The following STX7 variants were observed in gnomAD, a reference collection of about 807,000 sequenced individuals.
STX7 encodes the protein syntaxin 7.
In STX7, 34 loss-of-function variants were observed where a neutral mutation model predicts 39.6. The ratio of observed to expected loss-of-function variants is 0.86; its 90% CI spans 0.65 to 1.14. The LOEUF (loss-of-function observed/expected upper bound fraction) is 1.14, where lower values mean the gene tolerates loss of function less well. STX7 is among the 50% of genes most tolerant of loss of function. The pLI is 0.00. For missense variants in STX7, 284 were observed against 310.4 expected, an observed-to-expected ratio of 0.92 and a Z score of 0.64; for synonymous variants, 119 against 99.1, an observed-to-expected ratio of 1.20 and a Z score of -1.19.
chr6:132,494,989 C>T (rs1041854291), intron 2 of STX7, among the ~76,000 whole-genome samples: 42 of 151,920 alleles, frequency 2.8e-4, no homozygotes, highest in African/African-American at 8.0e-4. Flanking sequence ...CAGATCTGAC[C>T]GGTAGAACCA....
At chr6:132,471,741 T>C in intron 4 of STX7, 141 bp from the exon 5 acceptor site, 1 of 933,800 alleles carries the variant, frequency 1.1e-6, no homozygotes, top group Non-Finnish European at 1.6e-6. Context: ...CTCAGTAACA[T>C]TCTGATAGTA....
chr6:132,511,415 A>G (rs1258401328), intron 1 of STX7, among the ~76,000 whole-genome samples: 3 of 152,206 alleles, frequency 2.0e-5, no homozygotes, highest in African/African-American at 7.2e-5. Flanking sequence ...TATGAAAGTG[A>G]GAACTCACCA....
At chr6:132,491,422 T>C (rs964821907) in intron 2 of STX7, among the ~76,000 whole-genome samples, 2 of 152,054 alleles carry the variant, frequency 1.3e-5, no homozygotes, top group Admixed American at 1.3e-4. Flanking sequence ...AAAGACCCCA[T>C]GACAAGAAGC....
rs920885528 is a variant in STX7 at position 132,447,387 on chromosome 6, A to G, written c.*13371T>C. On this transcript the variant is annotated 3_prime_UTR_variant, in exon 10 of 10. Transcript: ENST00000367941. ...GAGGTCCCCAAAACATTCCTTTATC[A>G]TTTTCCTTCTAAATCTTTTATACAT... 17 of 152,210 alleles carry G rather than the reference A, an allele frequency of 1.1e-4. No homozygotes were observed. Among genetic ancestry groups the G allele is most frequent in the African/African-American group, 4.1e-4 (17 of 41,530 alleles). The allele number at this position is 152,210 out of a possible 1,614,324, so 9.4% of individuals were successfully genotyped here. A position where few individuals can be genotyped will look rare whatever the true frequency, so the allele number is the denominator to read the frequency against.
chr6:132,513,425 G>A (rs1188524696), upstream of STX7, among the ~76,000 whole-genome samples: 1 of 152,202 alleles, frequency 6.6e-6, no homozygotes, highest in East Asian at 1.9e-4. Flanking sequence ...ACCTTTAACT[G>A]CAGTAGATCG....
rs571360949 is a variant in STX7, at chr6:132,455,859, C to A, written c.*4899G>T. The A allele has an allele frequency of 6.6e-6, 1 of 152,236 alleles. No homozygotes were observed. The highest frequency in any genetic ancestry group is 6.5e-5 in the Admixed American group (1 of 15,300). The allele number at this position is 152,236 out of a possible 1,614,324, so 9.4% of individuals were successfully genotyped here. A position where few individuals can be genotyped will look rare whatever the true frequency, so the allele number is the denominator to read the frequency against. On this transcript the variant is annotated 3_prime_UTR_variant, in exon 10 of 10. Coordinates refer to ENST00000367941, the MANE Select transcript of STX7 (RefSeq NM_003569.3). ...AATGGGCCAATAGGAAGATTTTCTT[C>A]TTTATTCCTATTTGATTTAAAAGAA... is the stretch of plus-strand genomic sequence containing the variant.
chr6:132,499,650 T>A (rs867639321), intron 2 of STX7, among the ~76,000 whole-genome samples: 2 of 152,300 alleles, frequency 1.3e-5, no homozygotes, highest in Admixed American at 1.3e-4. Context: ...ACCTCACAGG[T>A]CACTCCTTAG....
intron 1 of STX7, among the ~76,000 whole-genome samples, chr6:132,509,658 TA>T (rs1337541461): frequency 1.3e-5 from 2 of 152,156 alleles, no homozygotes; most frequent in African/African-American, 2.4e-5. Flanking sequence ...AGGAATAGCT[TA>T]CTCCTTTTCT....
intron 9 of STX7, among the ~76,000 whole-genome samples, chr6:132,463,130 G>A (rs1001492114): frequency 6.6e-6 from 1 of 151,994 alleles, no homozygotes; most frequent in Admixed American, 6.6e-5. Context: ...AATGTCTTCA[G>A]CCAGGAGGCA....
chr6:132,500,792 TTAA>T (rs1775538309), intron 2 of STX7, among the ~76,000 whole-genome samples: 1 of 152,204 alleles, frequency 6.6e-6, no homozygotes, highest in Admixed American at 6.5e-5. Flanking sequence ...AAAATTCTTA[TTAA>T]TAAGTCTGAG....
rs1443896478 is a variant in STX7, at chr6:132,453,853, C to T, written c.*6905G>A. On this transcript the variant is annotated 3_prime_UTR_variant, in exon 10 of 10. Transcript: ENST00000367941. ...GTGGGTATATAAAATAGTACAGCTA[C>T]TTGGTATAAGTTTGGCAATTTCTTA... 1.3e-5 allele frequency: 2 copies of T among 151,990 alleles called. No individual in the cohort carries two copies. The highest frequency in any genetic ancestry group is 2.9e-5 in the Non-Finnish European group (2 of 67,974). 9.4% of individuals were successfully genotyped at this position (151,990 alleles called of 1,614,324 possible). A position where few individuals can be genotyped will look rare whatever the true frequency, so the allele number is the denominator to read the frequency against.
chr6:132,471,220 G>A (rs538656605), intron 5 of STX7, among the ~76,000 whole-genome samples: 4 of 152,244 alleles, frequency 2.6e-5, no homozygotes, highest in Non-Finnish European at 4.4e-5. Context: ...GACAAAATAT[G>A]TCTCTATATT....
intron 7 of STX7, among the ~76,000 whole-genome samples, chr6:132,469,394 T>C (rs1774650973): frequency 6.6e-6 from 1 of 152,134 alleles, no homozygotes; most frequent in African/African-American, 2.4e-5. Context: ...CATAGATGGC[T>C]TGATATAACA....
intron 8 of STX7, 121 bp from the exon 9 acceptor site, chr6:132,464,196 T>C: frequency 1.0e-6 from 1 of 983,702 alleles, no homozygotes; most frequent in Non-Finnish European, 1.6e-6. Context: ...TTAATAGTAG[T>C]ATATCATAAA....
At chr6:132,509,577 T>G (rs1456324863) in intron 1 of STX7, among the ~76,000 whole-genome samples, 2 of 152,068 alleles carry the variant, frequency 1.3e-5, no homozygotes. Flanking sequence ...CATATGAAGT[T>G]TTGCTATTCC....
Position 132,472,281 on chromosome 6 carries a change from C to A in STX7, c.249+1G>T. On this transcript the variant is annotated splice_donor_variant, in intron 4 of 9. Coordinates refer to ENST00000367941, the MANE Select transcript of STX7 (RefSeq NM_003569.3). LOFTEE classifies it high-confidence loss of function. ...CAACAATGTGTCTTAAAGCTTGATACCTGTTCACTGGGGGTGGTGGGCAGA... is the reference window on the plus strand; with the variant it reads ...CAACAATGTGTCTTAAAGCTTGATAACTGTTCACTGGGGGTGGTGGGCAGA... 6.2e-7 allele frequency: 1 copy of A among 1,609,722 alleles called. No homozygotes were observed. The highest frequency in any genetic ancestry group is 1.3e-5 in the African/African-American group (1 of 74,688).
At chr6:132,470,818 AAT>A (rs1291458906) in intron 5 of STX7, among the ~76,000 whole-genome samples, 192 bp from the exon 6 acceptor site, 2 of 141,318 alleles carry the variant, frequency 1.4e-5, no homozygotes, top group African/African-American at 5.1e-5. Flanking sequence ...TGCTTCAAGT[AAT>A]AATATAATTA....
chr6:132,486,439 T>G (rs1028105462), intron 2 of STX7, among the ~76,000 whole-genome samples: 1 of 152,198 alleles, frequency 6.6e-6, no homozygotes, highest in Admixed American at 6.5e-5. Flanking sequence ...TGTCAAATGC[T>G]TTTTCTGCAT....
intron 2 of STX7, among the ~76,000 whole-genome samples, chr6:132,485,056 C>T (rs1775099012): frequency 2.0e-5 from 3 of 152,158 alleles, no homozygotes; most frequent in Admixed American, 2.0e-4. Flanking sequence ...AGCGCATAAA[C>T]TATAGTTTTA....
Sources: allele counts gnomAD v4.1 joint callset (sites outside exome capture counted in the v4.1 genomes callset), GRCh38; gene constraint gnomAD v4.1.1; transcripts MANE v1.5; gene names NCBI Gene and HGNC (gene_info 2026-07-23, HGNC 2026-07-21).